A1BG: variants seen among roughly 807,000 people sequenced by gnomAD.
A1BG encodes alpha-1-B glycoprotein, also known as alpha-1B-glycoprotein.
Under a neutral mutation model 46.0 loss-of-function variants are expected in A1BG, and 44 were observed. That is an observed-to-expected ratio of 0.96 (90% confidence interval 0.75 to 1.23). The LOEUF (loss-of-function observed/expected upper bound fraction) is 1.23, where lower values mean the gene tolerates loss of function less well. Among genes scored for constraint, A1BG ranks in the 50% most tolerant of loss-of-function variants. A1BG has a pLI of 0.00. For missense variants in A1BG, 707 were observed against 688.8 expected, an observed-to-expected ratio of 1.03 and a Z score of -0.30; for synonymous variants, 316 against 314.7, an observed-to-expected ratio of 1.00 and a Z score of -0.04.
Position 58,350,455 on chromosome 19 carries a change from G to T in A1BG, c.1107C>A (p.Ser369=), listed in dbSNP as rs147512196. 1 of 1,555,170 alleles carries T rather than the reference G, an allele frequency of 6.4e-7. No individual in the cohort carries two copies. The highest frequency in any genetic ancestry group is 1.9e-5 in the Admixed American group (1 of 51,722). The change falls in exon 6 of 8, where the codon TCC becomes TCA. Residue 369 remains serine, a synonymous_variant. Coordinates refer to ENST00000263100, the MANE Select transcript of A1BG (RefSeq NM_130786.4). ...CCACGTAGACGCAGCTGTAGTTGGC[G>T]GAGTCAGCCACGGAAATGTTGTGCA... ...FELHNISVAD[S]ANYSCVYVDL... is the part of the protein sequence containing the mutation.
At chr19:58,347,803 G>C (rs2051927575) in intron 6 of A1BG, 163 bp from the exon 7 acceptor site, 2 of 384,898 alleles carry the variant, frequency 5.2e-6, no homozygotes, top group Non-Finnish European at 8.9e-6. Flanking sequence ...GCGCCGCCGA[G>C]CTGCGCCCGC....
Position 58,352,713 on chromosome 19 carries a change from G to A in A1BG, c.341-158C>T, listed in dbSNP as rs149114672. The A allele has an allele frequency of 1.8e-5, 21 of 1,185,508 alleles. No homozygotes were observed. The African/African-American group carries it at 2.0e-4, about 11-fold the overall frequency. The allele number at this position is 1,185,508 out of a possible 1,614,324, so 73.4% of individuals were successfully genotyped here. A position where few individuals can be genotyped will look rare whatever the true frequency, so the allele number is the denominator to read the frequency against. On this transcript the variant is annotated intron_variant, in intron 3 of 7. Coordinates refer to ENST00000263100, the MANE Select transcript of A1BG (RefSeq NM_130786.4). The stretch of plus-strand genomic sequence containing the variant: ...AGGCACCAGTGGAAACAAGGCATAC[G>A]GCAAGAGAAAAAGAGTGTGTGGGAG...
Position 58,347,208 on chromosome 19 carries a change from G to A in A1BG, c.1480+145C>T, listed in dbSNP as rs564430308. ...GCCTTTGCTGGGCGGTTCCTCGCCC[G>A]CAATTCCCCCACGAGCCCTGGGGAG... On this transcript the variant is annotated intron_variant, in intron 7 of 7. Coordinates refer to ENST00000263100, the MANE Select transcript of A1BG (RefSeq NM_130786.4). 1.7e-3 allele frequency: 2,303 copies of A among 1,373,208 alleles called. 2 individuals are homozygous for A. Among genetic ancestry groups the A allele is most frequent in the Non-Finnish European group, 2.0e-3 (2,033 of 1,007,558 alleles). 85.1% of individuals were successfully genotyped at this position (1,373,208 alleles called of 1,614,324 possible). A position where few individuals can be genotyped will look rare whatever the true frequency, so the allele number is the denominator to read the frequency against.
rs761984628 is a variant in A1BG, at chr19:58,353,089, A to G, written c.179T>C (p.Leu60Pro). 3 of 1,614,174 alleles carry G rather than the reference A, an allele frequency of 1.9e-6. No individual in the cohort carries two copies. The South Asian group carries it at 3.3e-5, about 18-fold the overall frequency. Reference protein sequence around the residue: ...QAHLETPDFQLFKNGVAQEPV... With the variant: ...QAHLETPDFQPFKNGVAQEPV... ...CTCCTGGGCCACCCCATTCTTGAAC[A>G]GCTGGAAGTCTGGAGTCTCCAGGTG... The change falls in exon 3 of 8, where the codon CTG becomes CCG. Residue 60 changes from leucine (L) to proline (P), a missense_variant. Coordinates refer to ENST00000263100, the MANE Select transcript of A1BG (RefSeq NM_130786.4).
At position 58,347,701 on chromosome 19, in the gene A1BG, C is replaced by G. The variant is rs879884404; in HGVS notation, c.1193-61G>C. ...GCCCCAGGCCACGCCCCAGGCCACA[C>G]CCCAGGCCACACCCCAGGCCGCGCC... On this transcript the variant is annotated intron_variant, in intron 6 of 7. Coordinates refer to ENST00000263100, the MANE Select transcript of A1BG (RefSeq NM_130786.4). 9.8e-3 allele frequency: 4,277 copies of G among 436,568 alleles called. 177 individuals are homozygous for G. Among genetic ancestry groups the G allele is most frequent in the South Asian group, 0.023 (289 of 12,594 alleles). 27.0% of individuals were successfully genotyped at this position (436,568 alleles called of 1,614,324 possible). A position where few individuals can be genotyped will look rare whatever the true frequency, so the allele number is the denominator to read the frequency against.
At chr19:58,353,244 C>A in intron 2 of A1BG, 47 bp from the exon 3 acceptor site, 1 of 1,609,294 alleles carries the variant, frequency 6.2e-7, no homozygotes, top group Non-Finnish European at 8.5e-7. Flanking sequence ...AGACAGGGCT[C>A]CCCCCCGGCC....
At position 58,351,381 on chromosome 19, in the gene A1BG, C is replaced by A. The variant is rs758452143; in HGVS notation, c.910+10G>T. On this transcript the variant is annotated intron_variant, in intron 5 of 7. Coordinates refer to ENST00000263100, the MANE Select transcript of A1BG (RefSeq NM_130786.4). ...CAGCCGCGTCCCTGTCCCTGCTGGC[C>A]CCGGCTCACCATCGCTCAGAATCAG... is the stretch of plus-strand genomic sequence containing the variant. 1.2e-6 allele frequency: 2 copies of A among 1,606,884 alleles called. No individual in the cohort carries two copies. Among genetic ancestry groups the A allele is most frequent in the Non-Finnish European group, 1.7e-6 (2 of 1,179,292 alleles).
intron 5 of A1BG, chr19:58,351,129 T>C: frequency 5.2e-6 from 3 of 573,430 alleles, no homozygotes; most frequent in Non-Finnish European, 9.3e-6. Flanking sequence ...CACCTAGACC[T>C]GGCAGCTGGG....
chr19:58,346,616 A>T lies in A1BG; in HGVS notation c.*406T>A, dbSNP rs2051915235. On this transcript the variant is annotated 3_prime_UTR_variant, in exon 8 of 8. Coordinates refer to ENST00000263100, the MANE Select transcript of A1BG (RefSeq NM_130786.4). ...ATGCCCAGGCTCCCAGCTACTTGGGAGGCTGAGGCAGGAGGATCGCTTGAG... is the reference window on the plus strand; with the variant it reads ...ATGCCCAGGCTCCCAGCTACTTGGGTGGCTGAGGCAGGAGGATCGCTTGAG... 3 of 261,550 alleles carry T rather than the reference A, an allele frequency of 1.1e-5. No homozygotes were observed. Among genetic ancestry groups the T allele is most frequent in the Non-Finnish European group, 1.5e-5 (2 of 133,086 alleles). The allele number at this position is 261,550 out of a possible 1,614,324, so 16.2% of individuals were successfully genotyped here. A position where few individuals can be genotyped will look rare whatever the true frequency, so the allele number is the denominator to read the frequency against.
In A1BG at chr19:58,352,326, G is replaced by A. The variant is rs138577019; in HGVS notation, c.570C>T (p.Gly190=). The change falls in exon 4 of 8, where the codon GGC becomes GGT. Residue 190 remains glycine, a synonymous_variant. Coordinates refer to ENST00000263100, the MANE Select transcript of A1BG (RefSeq NM_130786.4). ...CAGTAGCGCTGGGCTCAGAGAGGGC[G>A]CCTTCCCCATCGGTCCGGTAGCTGC... ...YSCSYRTDGE[G]ALSEPSATVT... 18 of 1,613,840 alleles carry A rather than the reference G, an allele frequency of 1.1e-5. No individual in the cohort carries two copies. The Admixed American group carries it at 1.2e-4, about 10-fold the overall frequency.
intron 6 of A1BG, 90 bp downstream of exon 6, chr19:58,350,280 C>T (rs1477483568): frequency 2.8e-6 from 4 of 1,425,218 alleles, no homozygotes; most frequent in Admixed American, 5.4e-5. Context: ...AGAGCGCCGC[C>T]GTCGGACGCC....
intron 4 of A1BG, 68 bp downstream of exon 4, chr19:58,352,215 G>A (rs1202815157): frequency 6.3e-7 from 1 of 1,576,314 alleles, no homozygotes; most frequent in African/African-American, 1.3e-5. Flanking sequence ...TGGAGGTCAG[G>A]ATGAATGTGG....
intron 7 of A1BG, 91 bp downstream of exon 7, chr19:58,347,262 G>C: frequency 6.4e-7 from 1 of 1,559,348 alleles, no homozygotes; most frequent in Non-Finnish European, 8.7e-7. Context: ...GTGCCCAAGG[G>C]AGGAGCCGGG....
intron 7 of A1BG, 100 bp downstream of exon 7, chr19:58,347,253 T>C: frequency 6.6e-7 from 1 of 1,517,780 alleles, no homozygotes; most frequent in Non-Finnish European, 8.9e-7. Context: ...TAACCAGGGG[T>C]GCCCAAGGGA....
Position 58,350,382 on chromosome 19 carries a change from G to A in A1BG, c.1180C>T (p.Leu394=). The A allele has an allele frequency of 6.5e-7, 1 of 1,547,476 alleles. No homozygotes were observed. Among genetic ancestry groups the A allele is most frequent in the Non-Finnish European group, 8.7e-7 (1 of 1,145,176 alleles). ...GGSAPSERLE[L]HVDGPPPRPQ... ...CCCGCCAGCTCACCGTCCACGTGCA[G>A]CTCCAAGCGCTCGCTGGGCGCGGAG... The change falls in exon 6 of 8, where the codon CTG becomes TTG. Residue 394 remains leucine (L), a synonymous_variant. Transcript: ENST00000263100.
In A1BG at chr19:58,346,542, A is replaced by G; in HGVS notation, c.*480T>C. ...AGTTCAAGACAAGCTTGGGCAACACAGTGAGACCCTGTCTACAAAAAATAA... is the reference window on the plus strand; with the variant it reads ...AGTTCAAGACAAGCTTGGGCAACACGGTGAGACCCTGTCTACAAAAAATAA... On this transcript the variant is annotated 3_prime_UTR_variant, in exon 8 of 8. Transcript: ENST00000263100. 4.1e-6 allele frequency: 1 copy of G among 242,172 alleles called. No homozygotes were observed. Among genetic ancestry groups the G allele is most frequent in the Admixed American group, 5.0e-5 (1 of 20,108 alleles). The allele number at this position is 242,172 out of a possible 1,614,324, so 15.0% of individuals were successfully genotyped here.
chr19:58,347,161 C>A (rs1270996865), intron 7 of A1BG, 132 bp from the exon 8 acceptor site: 4 of 1,348,312 alleles, frequency 3.0e-6, no homozygotes, highest in South Asian at 1.3e-5. Context: ...CCGAGACCCC[C>A]ATCTGCGCCT....
At position 58,346,789 on chromosome 19, in the gene A1BG, C is replaced by T. The variant is rs569456527; in HGVS notation, c.*233G>A. On this transcript the variant is annotated 3_prime_UTR_variant, in exon 8 of 8. Transcript: ENST00000263100. ...TCCACTCCTCTACCTCAGGAGCCAC[C>T]CCAGAACCCATCCACTTTGAGGACA... The T allele has an allele frequency of 1.5e-6, 1 of 649,868 alleles. No individual in the cohort carries two copies. Among genetic ancestry groups the T allele is most frequent in the South Asian group, 1.8e-5 (1 of 56,756 alleles). 40.3% of individuals were successfully genotyped at this position (649,868 alleles called of 1,614,324 possible).
intron 7 of A1BG, 111 bp downstream of exon 7, chr19:58,347,242 C>T: frequency 7.4e-7 from 1 of 1,346,558 alleles, no homozygotes; most frequent in Non-Finnish European, 9.7e-7. Context: ...AGACCCAGCG[C>T]TAACCAGGGG....
Sources: allele counts gnomAD v4.1 joint callset, GRCh38; gene constraint gnomAD v4.1.1; transcripts MANE v1.5; gene names NCBI Gene and HGNC (gene_info 2026-07-23, HGNC 2026-07-21).